The following NAV1 variants were observed in gnomAD, a reference collection of about 807,000 sequenced individuals.
NAV1 encodes the protein pore membrane and/or filament interacting like protein 3.
A neutral mutation model predicts 175.2 loss-of-function variants in NAV1; 18 were observed. The observed-to-expected ratio is 0.10, with a 90% CI of 0.07 to 0.15. NAV1 has a LOEUF of 0.15. Among genes scored for constraint, NAV1 ranks in the 10% least tolerant of loss-of-function variants. NAV1 has a pLI of 1.00. For missense variants in NAV1, 1,731 were observed against 2,436.6 expected (o/e 0.71, Z 6.10); for synonymous variants, 897 against 978.7 (o/e 0.92, Z 1.56).
At chr1:201,772,231 A>G (rs1279177501) in intron 3 of NAV1, among the ~76,000 whole-genome samples, 1 of 152,236 alleles carries the variant, frequency 6.6e-6, no homozygotes, top group East Asian at 1.9e-4. Flanking sequence ...GGCAAGGAGG[A>G]TCATGGAAAG....
chr1:201,668,637 C>G (rs1284037534), intron 1 of NAV1, among the ~76,000 whole-genome samples: 2 of 152,102 alleles, frequency 1.3e-5, no homozygotes, highest in Non-Finnish European at 2.9e-5. Context: ...ATGCAGCCCC[C>G]CACCCCACTG....
chr1:201,583,407 C>A (rs1226831089), intron 1 of NAV1, among the ~76,000 whole-genome samples: 1 of 152,236 alleles, frequency 6.6e-6, no homozygotes, highest in Non-Finnish European at 1.5e-5. Context: ...TTATCTCTCC[C>A]GCTCCCATTA....
chr1:201,661,632 C>T (rs1324816373), intron 1 of NAV1, among the ~76,000 whole-genome samples: 1 of 152,150 alleles, frequency 6.6e-6, no homozygotes, highest in Non-Finnish European at 1.5e-5. Flanking sequence ...GACTCCCCAG[C>T]TCCCAGATCT....
intron 11 of NAV1, 41 bp from the exon 16 acceptor site, chr1:201,790,513 C>T (rs911010316): frequency 1.9e-6 from 3 of 1,612,736 alleles, no homozygotes; most frequent in Non-Finnish European, 2.5e-6. Flanking sequence ...GTAACTACTT[C>T]CTTTCTCTCT....
At chr1:201,800,817 CTTT>C (rs61404613) in intron 15 of NAV1, among the ~76,000 whole-genome samples, 5,603 of 90,686 alleles carry the variant, frequency 0.062, 133 homozygotes, top group East Asian at 0.12. Flanking sequence ...CTTGGTGTAT[CTTT>C]TTTTTTTTTT....
At chr1:201,615,844 T>C (rs1667987172) in intron 2 of NAV1, among the ~76,000 whole-genome samples, 1 of 152,156 alleles carries the variant, frequency 6.6e-6, no homozygotes, top group Admixed American at 6.5e-5. Flanking sequence ...TGGGTGTTAT[T>C]GTGTGAAGCA....
At position 201,750,831 on chromosome 1, in the gene NAV1, CT is replaced by C. The variant is rs1465249252; in HGVS notation, c.1227-29586del. On this transcript the variant is annotated intron_variant, in intron 3 of 29. Coordinates refer to ENST00000367296, the Ensembl canonical transcript of NAV1. This position sits in a 1 kb window ranked among gnomAD's most constrained non-coding sequence, Gnocchi z 4.1. ...GGGTGGGGTGAAGTTGTGAGGACCC[CT>C]TTTCTAAATTGAGAAGTGGTCTGGA... 2.6e-5 allele frequency among the ~76,000 whole-genome samples: 4 copies of C among 151,910 alleles called. No individual in the cohort carries two copies. The East Asian group carries it at 7.8e-4, about 30-fold the overall frequency.
At position 201,808,236 on chromosome 1, in the gene NAV1, C is replaced by T. The variant is rs1008981800; in HGVS notation, c.3845+87C>T. ...TGACAGGAGGCCATTAGACCTTAGA[C>T]AAGCAGTACTTATTACTGACCTCTC... On this transcript the variant is annotated intron_variant, in intron 18 of 29. Transcript: ENST00000367296. This position sits in a 1 kb window ranked among gnomAD's most constrained non-coding sequence, Gnocchi z 5.5. 1 of 1,492,322 alleles carries T rather than the reference C, an allele frequency of 6.7e-7. No individual in the cohort carries two copies. The highest frequency in any genetic ancestry group is 9.2e-7 in the Non-Finnish European group (1 of 1,086,460). The allele number at this position is 1,492,322 out of a possible 1,614,324, so 92.4% of individuals were successfully genotyped here.
At chr1:201,684,021 T>A (rs1201139075) in intron 1 of NAV1, among the ~76,000 whole-genome samples, 2 of 152,196 alleles carry the variant, frequency 1.3e-5, no homozygotes, top group Non-Finnish European at 2.9e-5. Context: ...CTACATTTTT[T>A]ATTTTGTTTT....
At chr1:201,786,615 A>G in intron 9 of NAV1, 38 bp downstream of exon 13, 1 of 1,591,854 alleles carries the variant, frequency 6.3e-7, no homozygotes, top group Non-Finnish European at 8.6e-7. Flanking sequence ...CATGGGGTGA[A>G]GCAGGGGTCA....
chr1:201,648,496 C>T (rs1287806344), exon 1 of NAV1: 12 of 1,235,174 alleles, frequency 9.7e-6, no homozygotes, highest in Non-Finnish European at 1.2e-5. Flanking sequence ...CTCGGCTTGC[C>T]TCTCTCCCTC....
At chr1:201,642,573 TCCTTC>T (rs2102317979) in intron 2 of NAV1, among the ~76,000 whole-genome samples, 4 of 73,052 alleles carry the variant, frequency 5.5e-5, no homozygotes, top group African/African-American at 1.8e-4. Context: ...TTTCTTCCCT[TCCTTC>T]TCTTTCTTTC....
At chr1:201,604,698 G>GA (rs1408467759) in intron 2 of NAV1, among the ~76,000 whole-genome samples, 1 of 119,080 alleles carries the variant, frequency 8.4e-6, no homozygotes, top group Non-Finnish European at 1.8e-5. Context: ...AAAAAAAGAA[G>GA]AAGAAAGAAA....
At chr1:201,768,191 G>A (rs1199649414) in intron 3 of NAV1, among the ~76,000 whole-genome samples, 1 of 151,942 alleles carries the variant, frequency 6.6e-6, no homozygotes, top group African/African-American at 2.4e-5. Flanking sequence ...CAGGTGTGGT[G>A]GTAATTACAT....
In NAV1 at chr1:201,808,366, G is replaced by T; in HGVS notation, c.3846-52G>T. 1 of 1,554,188 alleles carries T rather than the reference G, an allele frequency of 6.4e-7. No homozygotes were observed. The highest frequency in any genetic ancestry group is 1.2e-5 in the South Asian group (1 of 81,138). Reference sequence around the variant, plus strand: ...CAACCATGCCTCTCAATATTCTCTAGTAACTCTAGTGCTTCTTCATGTAGC... The same window carrying T: ...CAACCATGCCTCTCAATATTCTCTATTAACTCTAGTGCTTCTTCATGTAGC... On this transcript the variant is annotated intron_variant, in intron 18 of 29. Transcript: ENST00000367296. The surrounding 1 kb of genome is among the most constrained non-coding windows in gnomAD (Gnocchi z 5.5).
intron 1 of NAV1, among the ~76,000 whole-genome samples, chr1:201,551,331 C>A (rs1050431047): frequency 6.6e-6 from 1 of 152,134 alleles, no homozygotes; most frequent in Non-Finnish European, 1.5e-5. Context: ...CAGGCTCAAG[C>A]GATCTTCCCA....
At chr1:201,636,804 T>C (rs1668630209) in intron 2 of NAV1, among the ~76,000 whole-genome samples, 1 of 152,190 alleles carries the variant, frequency 6.6e-6, no homozygotes, top group Non-Finnish European at 1.5e-5. Context: ...CTGAGGTTCA[T>C]ATAAACACTG....
intron 2 of NAV1, among the ~76,000 whole-genome samples, chr1:201,613,153 T>C (rs568485): frequency 0.091 from 13,874 of 152,152 alleles, 831 homozygotes; most frequent in African/African-American, 0.17. Context: ...ATCTAAGTCA[T>C]CTTCATGTAC....
At chr1:201,561,106 C>A (rs533548219) in intron 1 of NAV1, among the ~76,000 whole-genome samples, 2 of 152,304 alleles carry the variant, frequency 1.3e-5, no homozygotes, top group South Asian at 4.1e-4. Flanking sequence ...CCTGCCTTGA[C>A]CACAGCTTGC....
Sources: allele counts gnomAD v4.1 joint callset (sites outside exome capture counted in the v4.1 genomes callset), GRCh38; gene constraint gnomAD v4.1.1; non-coding constraint Gnocchi (gnomAD v3.1); transcripts MANE v1.5; gene names NCBI Gene and HGNC (gene_info 2026-07-23, HGNC 2026-07-21).